Variants in LRRC74A observed in about 807,000 individuals in gnomAD.
LRRC74A encodes the protein leucine-rich repeat-containing protein 74A.
A neutral mutation model predicts 57.9 loss-of-function variants in LRRC74A; 44 were observed. The observed-to-expected ratio is 0.76, with a 90% CI of 0.60 to 0.98. The LOEUF is 0.98. Among genes scored for constraint, LRRC74A ranks in the 50% least tolerant of loss-of-function variants. The pLI, the probability that LRRC74A is intolerant of heterozygous loss-of-function variation, is 0.00. For synonymous variants in LRRC74A, 211 were observed against 219.4 expected (o/e 0.96, Z 0.34); for missense variants, 572 against 574.0 (o/e 1.00, Z 0.04).
rs184536406 is a variant in LRRC74A at position 76,861,802 on chromosome 14, G to A, written c.1200+963G>A. On this transcript the variant is annotated intron_variant, in intron 11 of 13. Transcript: ENST00000689127. ...AGGAGCCTGCTGCTGGCCGCAGAGC[G>A]GTTACTACCTGGGGAGCAGGCGTGG... 1.3e-3 allele frequency among the ~76,000 whole-genome samples: 204 copies of A among 152,332 alleles called. 3 individuals are homozygous for A. The highest frequency in any genetic ancestry group is 8.9e-3 in the South Asian group (43 of 4,828).
At chr14:76,841,346 A>T (rs1896755739) in intron 5 of LRRC74A, among the ~76,000 whole-genome samples, 1 of 152,118 alleles carries the variant, frequency 6.6e-6, no homozygotes, top group Non-Finnish European at 1.5e-5. Context: ...CCAGCCAATA[A>T]ATATGTTTCG....
intron 2 of LRRC74A, among the ~76,000 whole-genome samples, chr14:76,830,917 G>T (rs141527526): frequency 6.6e-6 from 1 of 152,236 alleles, no homozygotes; most frequent in African/African-American, 2.4e-5. Context: ...ACCTGGGCAG[G>T]TGGGGTGAAG....
chr14:76,850,844 C>CAAAAAAAA (rs36208311), intron 7 of LRRC74A, among the ~76,000 whole-genome samples: 1 of 130,948 alleles, frequency 7.6e-6, no homozygotes, highest in African/African-American at 2.7e-5. Flanking sequence ...AACTCTGTCT[C>CAAAAAAAA]AAAAAAAAAA....
intron 1 of LRRC74A, among the ~76,000 whole-genome samples, chr14:76,827,533 G>A (rs1268975806): frequency 2.0e-5 from 3 of 152,184 alleles, no homozygotes; most frequent in Non-Finnish European, 4.4e-5. Flanking sequence ...AGAAGCCCAT[G>A]GCTTTCAGGA....
intron 5 of LRRC74A, among the ~76,000 whole-genome samples, chr14:76,842,807 C>T (rs1397587390): frequency 6.6e-6 from 1 of 152,102 alleles, no homozygotes; most frequent in South Asian, 2.1e-4. Flanking sequence ...CCAGAAATCA[C>T]CAGTGTCTTA....
chr14:76,831,947 C>G (rs929354974), intron 3 of LRRC74A, among the ~76,000 whole-genome samples: 1 of 152,186 alleles, frequency 6.6e-6, no homozygotes, highest in African/African-American at 2.4e-5. Flanking sequence ...GATTTACACA[C>G]AAAACTGACT....
At chr14:76,854,742 C>A (rs914706451) in intron 9 of LRRC74A, among the ~76,000 whole-genome samples, 18 of 152,166 alleles carry the variant, frequency 1.2e-4, no homozygotes, top group African/African-American at 4.3e-4. Context: ...ATACATATTT[C>A]ATTTTAAATT....
intron 12 of LRRC74A, among the ~76,000 whole-genome samples, chr14:76,866,964 GT>G (rs1566747388): frequency 7.2e-4 from 3 of 4,146 alleles, no homozygotes; most frequent in Admixed American, 1.8e-3. Context: ...GTGTGTGTGT[GT>G]GTGTGTGTGT....
In LRRC74A at chr14:76,870,244, T is replaced by C. The variant is rs1421099995; in HGVS notation, c.*95T>C. The C allele has an allele frequency of 5.2e-6, 7 of 1,335,782 alleles. No individual in the cohort carries two copies. Among genetic ancestry groups the C allele is most frequent in the South Asian group, 1.3e-5 (1 of 79,812 alleles). 82.7% of individuals were successfully genotyped at this position (1,335,782 alleles called of 1,614,324 possible). A position where few individuals can be genotyped will look rare whatever the true frequency, so the allele number is the denominator to read the frequency against. On this transcript the variant is annotated 3_prime_UTR_variant, in exon 14 of 14. Coordinates refer to ENST00000689127, the MANE Select transcript of LRRC74A (RefSeq NM_001385106.1). ...GAGCAAGAGGTGGCTGAAATCTCGA[T>C]GGACAGATGCTGTGGCAGGGGCTGG...
rs1299670998 is a variant in LRRC74A, at chr14:76,867,382, C to T, written c.1335C>T (p.Tyr445=). The T allele has an allele frequency of 1.3e-6, 2 of 1,594,540 alleles. No individual in the cohort carries two copies. Among genetic ancestry groups the T allele is most frequent in the Admixed American group, 3.3e-5 (2 of 59,842 alleles). ...IEQNKVPLNQ[Y]QVREVIKKLD... ...AAAACAAGGTCCCCCTGAACCAGTA[C>T]CAGGTCAGGGAGGTGATAAAGAAGC... Residue 445 remains tyrosine (Y), a synonymous_variant, in exon 13 of 14, where the codon TAC becomes TAT. Coordinates refer to ENST00000689127, the MANE Select transcript of LRRC74A (RefSeq NM_001385106.1).
intron 3 of LRRC74A, among the ~76,000 whole-genome samples, chr14:76,833,072 C>G (rs898770467): frequency 6.6e-6 from 1 of 152,072 alleles, no homozygotes; most frequent in Non-Finnish European, 1.5e-5. Context: ...TATAAAGGAT[C>G]TGAAAGAAGA....
At chr14:76,840,746 G>A (rs1242864785) in intron 5 of LRRC74A, among the ~76,000 whole-genome samples, 1 of 151,770 alleles carries the variant, frequency 6.6e-6, no homozygotes, top group Non-Finnish European at 1.5e-5. Context: ...ACCTCGCCCG[G>A]CTAATTTTTT....
Position 76,870,120 on chromosome 14 carries a change from A to G in LRRC74A, c.1392-5A>G. On this transcript the variant is annotated splice_region_variant and splice_polypyrimidine_tract_variant and intron_variant, in intron 13 of 13. Coordinates refer to ENST00000689127, the MANE Select transcript of LRRC74A (RefSeq NM_001385106.1). ...TCAGCATCTTTCCCTTACCTTTCGT[A>G]CCAGTTTCTTGAACACGATGAAGCC... The G allele has an allele frequency of 6.2e-7, 1 of 1,611,302 alleles. No homozygotes were observed.
At chr14:76,867,465 C>T (rs750472121) in intron 13 of LRRC74A, 27 bp downstream of exon 13, 24 of 1,320,494 alleles carry the variant, frequency 1.8e-5, no homozygotes, top group South Asian at 1.7e-4. Flanking sequence ...CGACGATCCC[C>T]GTTCTCTGCA....
intron 5 of LRRC74A, among the ~76,000 whole-genome samples, chr14:76,843,566 A>G (rs1821033397): frequency 6.6e-6 from 1 of 152,080 alleles, no homozygotes; most frequent in Non-Finnish European, 1.5e-5. Flanking sequence ...TATGCTACCA[A>G]CTCCTGGAAG....
chr14:76,859,660 GC>G (rs1898151406), intron 10 of LRRC74A, among the ~76,000 whole-genome samples: 2 of 127,294 alleles, frequency 1.6e-5, no homozygotes, highest in South Asian at 4.9e-4. Flanking sequence ...GTCTGAATTA[GC>G]CTTTTTTTTT....
At chr14:76,830,744 C>T (rs1163134392) in intron 2 of LRRC74A, among the ~76,000 whole-genome samples, 1 of 152,224 alleles carries the variant, frequency 6.6e-6, no homozygotes, top group Non-Finnish European at 1.5e-5. Context: ...AAGCTTTTTT[C>T]ATGACTCACA....
At chr14:76,837,612 G>A (rs1437095495) in intron 4 of LRRC74A, among the ~76,000 whole-genome samples, 1 of 152,110 alleles carries the variant, frequency 6.6e-6, no homozygotes, top group African/African-American at 2.4e-5. Flanking sequence ...GGGAAAACAG[G>A]GAGTCCTTGA....
intron 9 of LRRC74A, 51 bp downstream of exon 9, chr14:76,853,461 GTTT>G (rs957757817): frequency 3.4e-5 from 49 of 1,444,772 alleles, no homozygotes; most frequent in Non-Finnish European, 4.3e-5. Context: ...GTGTGTGTGT[GTTT>G]GTGTATGTGT....
Sources: allele counts gnomAD v4.1 joint callset (sites outside exome capture counted in the v4.1 genomes callset), GRCh38; gene constraint gnomAD v4.1.1; transcripts MANE v1.5; gene names NCBI Gene and HGNC (gene_info 2026-07-23, HGNC 2026-07-21).